The following ATE1 variants were observed in gnomAD, a reference collection of about 807,000 sequenced individuals.
ATE1 encodes the protein arginyltransferase 1, also known as arginyl-tRNA--protein transferase 1.
Under a neutral mutation model 70.5 loss-of-function variants are expected in ATE1, and 36 were observed. The observed-to-expected ratio is 0.51, with a 90% CI of 0.39 to 0.67. The LOEUF is 0.67. Among genes scored for constraint, ATE1 ranks in the 30% least tolerant of loss-of-function variants. The pLI, the probability that ATE1 is intolerant of heterozygous loss-of-function variation, is 0.00. For synonymous variants in ATE1, 232 were observed against 219.3 expected, an observed-to-expected ratio of 1.06 and a Z score of -0.51; for missense variants, 593 against 629.5, an observed-to-expected ratio of 0.94 and a Z score of 0.62.
chr10:121,836,570 G>C (rs1948440763), intron 10 of ATE1, 148 bp downstream of exon 10: 3 of 540,904 alleles, frequency 5.5e-6, no homozygotes, highest in South Asian at 2.8e-5. Flanking sequence ...TCATTACAGA[G>C]AGCTTAATTT....
At chr10:121,791,096 A>ATTTTTTTTTT (rs10584053) in intron 10 of ATE1, among the ~76,000 whole-genome samples, 1 of 94,424 alleles carries the variant, frequency 1.1e-5, no homozygotes. Context: ...GTGTATATAT[A>ATTTTTTTTTT]TTTTTTTTTT....
chr10:121,909,721 T>C (rs1472013731), intron 5 of ATE1, among the ~76,000 whole-genome samples: 2 of 152,146 alleles, frequency 1.3e-5, no homozygotes, highest in East Asian at 1.9e-4. Flanking sequence ...CAGAGAGAAA[T>C]AGTTGAAAGA....
intron 7 of ATE1, among the ~76,000 whole-genome samples, chr10:121,873,800 A>T (rs1169230916): frequency 6.6e-6 from 1 of 152,110 alleles, no homozygotes; most frequent in African/African-American, 2.4e-5. Context: ...TTATTTGTTT[A>T]ATAAGTAACC....
intron 11 of ATE1, among the ~76,000 whole-genome samples, chr10:121,789,296 C>CTTTTTTTTTTTTT (rs3036893): frequency 4.3e-5 from 4 of 92,682 alleles, no homozygotes; most frequent in Admixed American, 3.1e-4. Context: ...CAGGGCTATG[C>CTTTTTTTTTTTTT]TTTTTTTTTT....
At chr10:121,868,636 T>C (rs745770434) in intron 8 of ATE1, among the ~76,000 whole-genome samples, 1 of 152,190 alleles carries the variant, frequency 6.6e-6, no homozygotes, top group African/African-American at 2.4e-5. Context: ...AGTATTATTA[T>C]CTCCATTTTT....
intron 11 of ATE1, among the ~76,000 whole-genome samples, chr10:121,758,066 A>C (rs565153163): frequency 6.6e-6 from 1 of 152,378 alleles, no homozygotes; most frequent in East Asian, 1.9e-4. Context: ...TAAAAATGTT[A>C]AATAGGATAG....
At chr10:121,916,332 A>G (rs1456347479) in intron 3 of ATE1, among the ~76,000 whole-genome samples, 1 of 152,200 alleles carries the variant, frequency 6.6e-6, no homozygotes, top group African/African-American at 2.4e-5. Flanking sequence ...CTCAACAGTA[A>G]TAATACGATA....
chr10:121,807,423 T>C (rs1005413793), intron 10 of ATE1, among the ~76,000 whole-genome samples: 1 of 151,204 alleles, frequency 6.6e-6, no homozygotes, highest in Non-Finnish European at 1.5e-5. Context: ...GTTTCATTTA[T>C]GTAAGTAGGA....
chr10:121,827,068 C>T (rs1373498362), intron 10 of ATE1, among the ~76,000 whole-genome samples: 1 of 151,034 alleles, frequency 6.6e-6, no homozygotes, highest in African/African-American at 2.4e-5. Flanking sequence ...GGCTGGAGTG[C>T]AGTGGCGCAA....
intron 11 of ATE1, among the ~76,000 whole-genome samples, chr10:121,765,483 T>C (rs1308616313): frequency 6.6e-6 from 1 of 152,202 alleles, no homozygotes; most frequent in Non-Finnish European, 1.5e-5. Context: ...GAGTGGGGCC[T>C]ACAGATAAAT....
chr10:121,886,938 T>G (rs1423917571), intron 7 of ATE1, among the ~76,000 whole-genome samples: 1 of 152,206 alleles, frequency 6.6e-6, no homozygotes, highest in Non-Finnish European at 1.5e-5. Flanking sequence ...TACTTTCATA[T>G]ACAAAAATGT....
At chr10:121,899,115 G>A (rs1950883114) in intron 7 of ATE1, 4 of 835,438 alleles carry the variant, frequency 4.8e-6, no homozygotes, top group Admixed American at 3.1e-5. Context: ...AGACGAGGCA[G>A]ACGGGTGCAG....
rs552460534 is a variant in ATE1 at position 121,794,404 on chromosome 10, T to C, written c.1258-4115A>G. ...GACAGCAGAACATAAAAGAAGAGAA[T>C]ACCCAGGCTGGGCAACACAGTGAGA... On this transcript the variant is annotated intron_variant, in intron 10 of 11. Transcript: ENST00000224652. Among the ~76,000 whole-genome samples, 61 of 152,068 alleles carry C rather than the reference T, an allele frequency of 4.0e-4. No homozygotes were observed. The South Asian group carries it at 0.012, about 31-fold the overall frequency.
At chr10:121,897,661 A>G (rs1029002629) in intron 7 of ATE1, among the ~76,000 whole-genome samples, 3 of 152,092 alleles carry the variant, frequency 2.0e-5, no homozygotes, top group Non-Finnish European at 4.4e-5. Flanking sequence ...CCCTATCTCT[A>G]CTAAAAATAT....
At chr10:121,910,857 G>A in intron 5 of ATE1, 49 bp downstream of exon 5, 1 of 1,611,076 alleles carries the variant, frequency 6.2e-7, no homozygotes, top group Non-Finnish European at 8.5e-7. Flanking sequence ...AAATGACTCA[G>A]CAAAAAGCAA....
intron 10 of ATE1, among the ~76,000 whole-genome samples, chr10:121,808,735 T>C (rs1389724084): frequency 6.6e-6 from 1 of 152,182 alleles, no homozygotes; most frequent in Non-Finnish European, 1.5e-5. Context: ...GTGGGAAAAT[T>C]CATACAAATA....
At chr10:121,770,233 A>AACACACACACACAC (rs3036837) in intron 11 of ATE1, among the ~76,000 whole-genome samples, 3,342 of 136,832 alleles carry the variant, frequency 0.024, 56 homozygotes, top group South Asian at 0.056. Context: ...ACAAGAGAGA[A>AACACACACACACAC]ACACACACAC....
intron 7 of ATE1, among the ~76,000 whole-genome samples, chr10:121,872,939 T>TA (rs1349001079): frequency 6.6e-6 from 1 of 152,070 alleles, no homozygotes; most frequent in East Asian, 1.9e-4. Flanking sequence ...ATTGAAAACA[T>TA]AAAAAATGTA....
At chr10:121,800,354 T>C (rs922462333) in intron 10 of ATE1, among the ~76,000 whole-genome samples, 7 of 152,186 alleles carry the variant, frequency 4.6e-5, no homozygotes, top group African/African-American at 1.2e-4. Flanking sequence ...GCTTGGCCGA[T>C]TGCAATAAAA....
Sources: gnomAD v4.1 joint callset for allele counts (sites outside exome capture counted in the v4.1 genomes callset) on GRCh38, gnomAD v4.1.1 for gene constraint, MANE v1.5 for transcripts, NCBI Gene and HGNC (gene_info 2026-07-23, HGNC 2026-07-21) for gene names.